Variants in BICDL1 observed in about 807,000 individuals in gnomAD.
BICDL1 encodes BICD family-like cargo adapter 1.
Under a neutral mutation model 76.8 loss-of-function variants are expected in BICDL1, and 20 were observed. The observed-to-expected ratio is 0.26, with a 90% CI of 0.18 to 0.38. BICDL1 has a LOEUF of 0.38. BICDL1 is among the 10% of genes least tolerant of loss of function. The probability of loss-of-function intolerance (pLI) is 1.00; values close to 1 mark genes in which losing one functional copy is unlikely to be tolerated. For synonymous variants in BICDL1, 383 were observed against 337.1 expected, an observed-to-expected ratio of 1.14 and a Z score of -1.49; for missense variants, 700 against 798.6, an observed-to-expected ratio of 0.88 and a Z score of 1.49.
rs10566467 is a variant in BICDL1 at position 120,083,629 on chromosome 12, G to GTATTTATT, written c.1583+2653_1583+2660dup. 4.8e-3 allele frequency among the ~76,000 whole-genome samples: 693 copies of GTATTTATT among 145,204 alleles called. 1 individual carries two copies. The highest frequency in any genetic ancestry group is 0.01 in the East Asian group (51 of 4,884). Reference sequence around the variant, plus strand: ...GGTCATTTACAAAATATTAATAGTAGTATTTATTTATTTATTTATTTATTT... The same window carrying GTATTTATT: ...GGTCATTTACAAAATATTAATAGTAGTATTTATTTATTTATTTATTTATTTATTTATTT... On this transcript the variant is annotated intron_variant, in intron 8 of 9. Coordinates refer to ENST00000548673, the MANE Select transcript of BICDL1 (RefSeq NM_001367886.1).
chr12:120,054,440 C>A (rs1268399135), intron 2 of BICDL1, among the ~76,000 whole-genome samples: 3 of 152,160 alleles, frequency 2.0e-5, no homozygotes, highest in Non-Finnish European at 2.9e-5. Context: ...TCTACTTCTA[C>A]TCAGGTAAGT....
intron 1 of BICDL1, 60 bp from the exon 2 acceptor site, chr12:119,998,461 G>C: frequency 6.8e-7 from 1 of 1,474,912 alleles, no homozygotes; most frequent in Middle Eastern, 2.5e-4. Flanking sequence ...AGCGCGGAGA[G>C]AAAAAATAAA....
chr12:120,008,289 G>T (rs1395349080), intron 2 of BICDL1, among the ~76,000 whole-genome samples: 2 of 151,294 alleles, frequency 1.3e-5, no homozygotes, highest in Non-Finnish European at 2.9e-5. Flanking sequence ...CTCCCAGGTG[G>T]CTGGGACTAC....
chr12:120,045,313 T>C (rs1013853363), intron 2 of BICDL1, among the ~76,000 whole-genome samples: 3 of 152,220 alleles, frequency 2.0e-5, no homozygotes, highest in Non-Finnish European at 4.4e-5. Flanking sequence ...ACTTTTACAC[T>C]GTTGGTGGGA....
At chr12:120,073,926 T>C (rs9739483) in intron 6 of BICDL1, among the ~76,000 whole-genome samples, 4 of 152,152 alleles carry the variant, frequency 2.6e-5, no homozygotes, top group Admixed American at 1.3e-4. Context: ...TTTGTTTGTT[T>C]TTTGTTTTTT....
At chr12:120,058,806 G>A (rs987257119) in intron 2 of BICDL1, among the ~76,000 whole-genome samples, 1 of 151,914 alleles carries the variant, frequency 6.6e-6, no homozygotes, top group Admixed American at 6.6e-5. Flanking sequence ...GGCCAGGCTG[G>A]TCTCAAACTC....
chr12:120,015,148 A>G (rs1350699795), intron 2 of BICDL1, among the ~76,000 whole-genome samples: 1 of 152,174 alleles, frequency 6.6e-6, no homozygotes, highest in Non-Finnish European at 1.5e-5. Flanking sequence ...TTGCAGTGGG[A>G]AGGGAAAGCT....
At position 120,061,802 on chromosome 12, in the gene BICDL1, C is replaced by G; in HGVS notation, c.738C>G (p.Ile246Met). The change falls in exon 3 of 10, where the codon ATC becomes ATG. Residue 246 changes from isoleucine to methionine, a missense_variant. Ile to Met is a conservative substitution (Grantham distance 10). Around this residue, in one of 3 missense-constraint regions of BICDL1, gnomAD observed 455 missense variants for 548.7 expected, o/e 0.83. Transcript: ENST00000548673. ...ACTCATCAACCAACCAGCACATTAT[C>G]CGGCTGGAGAGCCTTCAGGCCGAGG... is the stretch of plus-strand genomic sequence containing the variant. Reference protein sequence around the residue: ...EKNSSTNQHIIRLESLQAEIK... With the variant: ...EKNSSTNQHIMRLESLQAEIK... The G allele has an allele frequency of 1.2e-6, 2 of 1,613,904 alleles. No homozygotes were observed. Among genetic ancestry groups the G allele is most frequent in the South Asian group, 2.2e-5 (2 of 91,078 alleles).
intron 2 of BICDL1, among the ~76,000 whole-genome samples, chr12:120,049,997 T>G (rs1402713801): frequency 2.0e-5 from 3 of 152,246 alleles, no homozygotes; most frequent in Admixed American, 6.5e-5. Context: ...AATTGTAGCC[T>G]TCTTATGAGT....
intron 2 of BICDL1, among the ~76,000 whole-genome samples, chr12:120,031,289 C>T (rs145384488): frequency 1.2e-3 from 186 of 151,362 alleles, no homozygotes; most frequent in African/African-American, 4.1e-3. Flanking sequence ...CTGCAAGCTC[C>T]GCCTCCTGGG....
At chr12:120,010,882 C>T (rs1731669784) in intron 2 of BICDL1, among the ~76,000 whole-genome samples, 1 of 152,004 alleles carries the variant, frequency 6.6e-6, no homozygotes, top group African/African-American at 2.4e-5. Flanking sequence ...CTCTTACTGG[C>T]TTAACAAGTA....
chr12:120,061,199 G>A (rs1416009533), intron 2 of BICDL1, among the ~76,000 whole-genome samples: 1 of 152,218 alleles, frequency 6.6e-6, no homozygotes, highest in African/African-American at 2.4e-5. Flanking sequence ...CTTGAGGAAT[G>A]AGTGGCAAAA....
chr12:120,048,232 G>C (rs2138839813), intron 2 of BICDL1, among the ~76,000 whole-genome samples: 1 of 151,754 alleles, frequency 6.6e-6, no homozygotes, highest in Non-Finnish European at 1.5e-5. Context: ...TCAGGCTGGA[G>C]TACAGAAGCT....
chr12:120,039,738 A>G (rs1952600666), intron 2 of BICDL1, among the ~76,000 whole-genome samples: 1 of 152,072 alleles, frequency 6.6e-6, no homozygotes, highest in Non-Finnish European at 1.5e-5. Flanking sequence ...TTATAACGAT[A>G]AGGAATGGAC....
At chr12:120,015,282 C>T (rs1952037387) in intron 2 of BICDL1, among the ~76,000 whole-genome samples, 1 of 152,204 alleles carries the variant, frequency 6.6e-6, no homozygotes, top group South Asian at 2.1e-4. Flanking sequence ...ACTCTTACTG[C>T]ATTTAGGGGA....
rs1874985552 is a variant in BICDL1 at position 120,091,708 on chromosome 12, T to A, written c.1705-1292T>A. The A allele has an allele frequency of 4.1e-6, 4 of 985,094 alleles. No individual in the cohort carries two copies. The African/African-American group carries it at 5.2e-5, about 13-fold the overall frequency. 61.0% of individuals were successfully genotyped at this position (985,094 alleles called of 1,614,324 possible). A position where few individuals can be genotyped will look rare whatever the true frequency, so the allele number is the denominator to read the frequency against. Reference sequence around the variant, plus strand: ...GCCAGAGCGCGTGAGGGGTCCACACTCACTGCTACCCCACGATGACTCAGG... The same window carrying A: ...GCCAGAGCGCGTGAGGGGTCCACACACACTGCTACCCCACGATGACTCAGG... On this transcript the variant is annotated intron_variant, in intron 9 of 9. Coordinates refer to ENST00000548673, the MANE Select transcript of BICDL1 (RefSeq NM_001367886.1).
chr12:120,043,159 A>G (rs943187177), intron 2 of BICDL1, among the ~76,000 whole-genome samples: 5 of 152,346 alleles, frequency 3.3e-5, no homozygotes, highest in African/African-American at 9.6e-5. Flanking sequence ...AAAATGAAGT[A>G]GCCTGGGTAT....
intron 3 of BICDL1, among the ~76,000 whole-genome samples, chr12:120,062,786 G>C (rs1012741277): frequency 6.6e-6 from 1 of 152,136 alleles, no homozygotes; most frequent in African/African-American, 2.4e-5. Context: ...TGTTCCAGTG[G>C]GGTTTGGCAT....
intron 2 of BICDL1, among the ~76,000 whole-genome samples, chr12:120,021,609 A>AAAAAAAAC (rs1952183410): frequency 7.2e-6 from 1 of 139,346 alleles, no homozygotes; most frequent in Non-Finnish European, 1.5e-5. Flanking sequence ...AAAAAAAAAA[A>AAAAAAAAC]AGAGAATCAG....
Sources: gnomAD v4.1 joint callset for allele counts (sites outside exome capture counted in the v4.1 genomes callset) on GRCh38, gnomAD v4.1.1 for gene constraint, gnomAD v4.1.1 regional missense constraint, MANE v1.5 for transcripts, NCBI Gene and HGNC (gene_info 2026-07-23, HGNC 2026-07-21) for gene names.